Variants in PLCXD1 observed in about 807,000 individuals in gnomAD.
The protein encoded by PLCXD1 is phosphatidylinositol specific phospholipase C X domain containing 1, also known as PI-PLC X domain-containing protein 1.
Under a neutral mutation model 37.8 loss-of-function variants are expected in PLCXD1, and 45 were observed. That is an observed-to-expected ratio of 1.19 (90% confidence interval 0.94 to 1.53). The LOEUF is 1.53. PLCXD1 is among the 40% of genes most tolerant of loss of function. PLCXD1 has a pLI of 0.00. For missense variants in PLCXD1, 539 were observed against 454.7 expected (o/e 1.19, Z -1.69); for synonymous variants, 246 against 206.9 (o/e 1.19, Z -1.62).
chrX:284,119 G>A, intron 1 of PLCXD1, 48 bp from the exon 2 acceptor site: 2 of 1,523,586 alleles, frequency 1.3e-6, no homozygotes. Flanking sequence ...TCGAACTCCT[G>A]ACCTGAAGTC....
At chrX:278,842 C>G (rs150549348), upstream of PLCXD1, among the ~76,000 whole-genome samples, 1,439 of 151,810 alleles carry the variant, frequency 9.5e-3, 47 homozygotes, top group East Asian at 0.098. Context: ...CGGAGGACAT[C>G]TTGGTATTAT....
rs755232028 is a variant in PLCXD1, at chrX:294,211, G to A, written c.733+993G>A. On this transcript the variant is annotated intron_variant, in intron 6 of 6. Transcript: ENST00000381657. ...AAATTAGCGGGCACAGGCCGGGCGC[G>A]GTGGCTCACGCCTGTAATCCCAGCA... 2.6e-4 allele frequency among the ~76,000 whole-genome samples: 40 copies of A among 152,246 alleles called. No individual in the cohort carries two copies. In the South Asian group the frequency reaches 3.3e-3, roughly 13 times the overall value.
intron 2 of PLCXD1, among the ~76,000 whole-genome samples, chrX:284,584 GCACACACGCACACACGCA>G (rs1031028090): frequency 0.041 from 13 of 320 alleles, no homozygotes; most frequent in African/African-American, 0.17. Flanking sequence ...AGGCATACAT[GCACACACGCACACACGCA>G]CACACGCACA....
chrX:283,368 G>C (rs1339077313), intron 1 of PLCXD1: 1 of 151,990 alleles, frequency 6.6e-6, no homozygotes, highest in Non-Finnish European at 1.5e-5. Flanking sequence ...CGTGTTATAC[G>C]GTGCCTGGAG....
chrX:298,930 A>G (rs934641570), intron 6 of PLCXD1, among the ~76,000 whole-genome samples, 167 bp from the exon 7 acceptor site: 13 of 152,104 alleles, frequency 8.5e-5, no homozygotes, highest in African/African-American at 3.1e-4. Context: ...GGGGTTGTCT[A>G]CTGCCCACCA....
chrX:287,785 G>A (rs1161195202), intron 2 of PLCXD1, among the ~76,000 whole-genome samples: 1 of 149,578 alleles, frequency 6.7e-6, no homozygotes, highest in Non-Finnish European at 1.5e-5. Context: ...CTATATTTAA[G>A]AAATAACAAC....
At chrX:284,367 G>A in intron 2 of PLCXD1, 53 bp downstream of exon 2, 2 of 1,605,012 alleles carry the variant, frequency 1.2e-6, no homozygotes. Flanking sequence ...TGACGGCAGG[G>A]TGGGGCGGGA....
rs766265398 is a variant in PLCXD1 at position 285,107 on chromosome X, T to TAC, written c.127+803_127+804dup. 2.8e-3 allele frequency among the ~76,000 whole-genome samples: 375 copies of TAC among 134,740 alleles called. 1 individual carries two copies. Among genetic ancestry groups the TAC allele is most frequent in the African/African-American group, 9.7e-3 (342 of 35,080 alleles). 88.4% of individuals were successfully genotyped at this position (134,740 alleles called of 152,430 possible). Reference sequence around the variant, plus strand: ...ATGCAGGCACACACAGACACATACATACACACACACATGCATGCGCACACA... The same window carrying TAC: ...ATGCAGGCACACACAGACACATACATACACACACACACATGCATGCGCACACA... On this transcript the variant is annotated intron_variant, in intron 2 of 6. Coordinates refer to ENST00000381657, the MANE Select transcript of PLCXD1 (RefSeq NM_018390.4).
chrX:282,970 A>G (rs1203947445), intron 1 of PLCXD1, among the ~76,000 whole-genome samples: 1 of 145,800 alleles, frequency 6.9e-6, no homozygotes, highest in Non-Finnish European at 1.5e-5. Flanking sequence ...ATATGTATAT[A>G]TTATATGTAT....
intron 2 of PLCXD1, among the ~76,000 whole-genome samples, chrX:288,421 C>T (rs186475710): frequency 0.014 from 2,070 of 152,310 alleles, 45 homozygotes; most frequent in African/African-American, 0.047. Flanking sequence ...CACGAGGCCT[C>T]CTCCTCTGTG....
At chrX:296,815 G>A (rs1445497336) in intron 6 of PLCXD1, among the ~76,000 whole-genome samples, 11 of 152,244 alleles carry the variant, frequency 7.2e-5, no homozygotes, top group Middle Eastern at 3.4e-3. Flanking sequence ...GACATCTTTG[G>A]GGCCATTATC....
chrX:289,510 C>G (rs866669748), intron 3 of PLCXD1, among the ~76,000 whole-genome samples: 1 of 97,786 alleles, frequency 1.0e-5, no homozygotes, highest in Admixed American at 1.0e-4. Flanking sequence ...CTTTTTCTTT[C>G]TTTTTCTTTT....
Position 299,456 on chromosome X carries a change from T to C in PLCXD1, c.*121T>C. 1.2e-6 allele frequency: 1 copy of C among 801,406 alleles called. No individual in the cohort carries two copies. The highest frequency in any genetic ancestry group is 2.1e-6 in the Non-Finnish European group (1 of 472,630). 49.6% of individuals were successfully genotyped at this position (801,406 alleles called of 1,614,324 possible). On this transcript the variant is annotated 3_prime_UTR_variant, in exon 7 of 7. Coordinates refer to ENST00000381657, the MANE Select transcript of PLCXD1 (RefSeq NM_018390.4). ...AGGACCGATGATAATACGTTTTCAT[T>C]TTCTTTAAAATAGAGATGGGGTGGC...
At chrX:289,068 AAG>A (rs2069545969) in intron 3 of PLCXD1, among the ~76,000 whole-genome samples, 199 bp downstream of exon 3, 1 of 152,090 alleles carries the variant, frequency 6.6e-6, no homozygotes, top group Admixed American at 6.6e-5. Flanking sequence ...CCAGAGGTGG[AAG>A]AGAGGGGAAC....
chrX:285,084 G>A (rs1167185399), intron 2 of PLCXD1, among the ~76,000 whole-genome samples: 3 of 150,986 alleles, frequency 2.0e-5, no homozygotes, highest in African/African-American at 7.3e-5. Flanking sequence ...AGGCACACAT[G>A]CAGGCACACA....
Position 293,166 on chromosome X carries a change from G to C in PLCXD1, c.681G>C (p.Lys227Asn), listed in dbSNP as rs760238714. Residue 227 changes from lysine to asparagine, a missense_variant, in exon 6 of 7, where the codon AAG becomes AAC. Transcript: ENST00000381657. ...CCTACTGGTGGGGAAACAGGGTGAA[G>C]ACCGAGGCCCTCATCCGATACCTGG... Reference protein sequence around the residue: ...GVPYWWGNRVKTEALIRYLET... With the variant: ...GVPYWWGNRVNTEALIRYLET... 1 of 1,612,704 alleles carries C rather than the reference G, an allele frequency of 6.2e-7. No homozygotes were observed. Among genetic ancestry groups the C allele is most frequent in the Non-Finnish European group, 8.5e-7 (1 of 1,179,796 alleles).
chrX:289,725 A>T (rs765671866), intron 3 of PLCXD1, among the ~76,000 whole-genome samples: 1 of 150,802 alleles, frequency 6.6e-6, no homozygotes, highest in African/African-American at 2.4e-5. Flanking sequence ...GTTAGCCAGG[A>T]TGGTCTCGAA....
chrX:294,325 AC>A (rs1161231490), intron 6 of PLCXD1, among the ~76,000 whole-genome samples: 1 of 152,144 alleles, frequency 6.6e-6, no homozygotes, highest in Non-Finnish European at 1.5e-5. Flanking sequence ...TACTAAAAAT[AC>A]AAAAAATTAG....
chrX:291,692 G>C, intron 5 of PLCXD1, 38 bp downstream of exon 5: 1 of 1,604,960 alleles, frequency 6.2e-7, no homozygotes, highest in Non-Finnish European at 8.5e-7. Flanking sequence ...CTCTCCCGGG[G>C]CAGGGGCATC....
Sources: gnomAD v4.1 joint callset for allele counts (sites outside exome capture counted in the v4.1 genomes callset) on GRCh38, gnomAD v4.1.1 for gene constraint, MANE v1.5 for transcripts, NCBI Gene and HGNC (gene_info 2026-07-23, HGNC 2026-07-21) for gene names.